The following TENM3 variants were observed in gnomAD, a reference collection of about 807,000 sequenced individuals.
TENM3 encodes the protein teneurin-3.
A neutral mutation model predicts 255.1 loss-of-function variants in TENM3; 63 were observed. That is an observed-to-expected ratio of 0.25 (90% CI 0.20 to 0.30). The LOEUF (loss-of-function observed/expected upper bound fraction) is 0.30. Ranked by LOEUF, TENM3 falls within the 10% of genes least tolerant of loss-of-function variation. TENM3 has a pLI of 1.00. For synonymous variants in TENM3, 1,306 were observed against 1,322.3 expected (o/e 0.99, Z 0.27); for missense variants, 2,929 against 3,461.1 (o/e 0.85, Z 3.86).
intron 3 of TENM3, among the ~76,000 whole-genome samples, chr4:182,498,528 T>C (rs1408703057): frequency 1.3e-5 from 2 of 152,102 alleles, no homozygotes; most frequent in Non-Finnish European, 2.9e-5. Context: ...TTCAGTGGCT[T>C]CCTATGTACC....
chr4:181,681,614 A>G, the TENM3 span, among the ~76,000 whole-genome samples: 1 of 152,260 alleles, frequency 6.6e-6, no homozygotes, highest in South Asian at 2.1e-4. Flanking sequence ...TCACTCCACC[A>G]AAAATATTAC....
chr4:181,828,016 A>G, the TENM3 span, among the ~76,000 whole-genome samples: 1 of 152,186 alleles, frequency 6.6e-6, no homozygotes, highest in Non-Finnish European at 1.5e-5. Flanking sequence ...GGCTTCCAGA[A>G]AGAGAGTTCT....
At chr4:181,670,258 G>A in the TENM3 span, among the ~76,000 whole-genome samples, 1 of 152,120 alleles carries the variant, frequency 6.6e-6, no homozygotes, top group Non-Finnish European at 1.5e-5. Context: ...TTTGAAAAAT[G>A]AGGAGGTAAA....
chr4:182,445,658 A>C (rs1319201952), intron 3 of TENM3, among the ~76,000 whole-genome samples: 2 of 151,996 alleles, frequency 1.3e-5, no homozygotes, highest in East Asian at 1.9e-4. Flanking sequence ...TGGTTCATGC[A>C]TTTTTAAAAA....
the TENM3 span, among the ~76,000 whole-genome samples, chr4:181,720,494 AG>A: frequency 6.6e-6 from 1 of 152,228 alleles, no homozygotes; most frequent in African/African-American, 2.4e-5. Flanking sequence ...GTATTTATAC[AG>A]GGCATTCATT....
intron 6 of TENM3, among the ~76,000 whole-genome samples, chr4:182,654,958 C>T (rs1012314079): frequency 2.0e-5 from 3 of 152,080 alleles, no homozygotes; most frequent in African/African-American, 4.8e-5. Flanking sequence ...AGTGAATCCC[C>T]CGCCATATGG....
At chr4:182,146,585 T>G (rs927548372) in intron 1 of TENM3, among the ~76,000 whole-genome samples, 4 of 152,130 alleles carry the variant, frequency 2.6e-5, no homozygotes, top group African/African-American at 9.7e-5. Context: ...TTTTTTCTAA[T>G]AGTAAACAAA....
At chr4:182,337,224 AG>A (rs1279915385) in intron 2 of TENM3, among the ~76,000 whole-genome samples, 40 of 152,228 alleles carry the variant, frequency 2.6e-4, no homozygotes, top group Non-Finnish European at 8.8e-5. Context: ...AAAATTACAA[AG>A]TTTTGCTTAT....
the TENM3 span, among the ~76,000 whole-genome samples, chr4:182,098,277 G>A: frequency 6.6e-6 from 1 of 152,118 alleles, no homozygotes; most frequent in East Asian, 1.9e-4. Flanking sequence ...CAGGATGGAG[G>A]TTCCTCAAAA....
At chr4:181,880,890 C>T in the TENM3 span, among the ~76,000 whole-genome samples, 1 of 152,120 alleles carries the variant, frequency 6.6e-6, no homozygotes, top group African/African-American at 2.4e-5. Flanking sequence ...CAATGCCAGC[C>T]CCCGGGGCTC....
At chr4:181,870,283 T>C in the TENM3 span, among the ~76,000 whole-genome samples, 1 of 152,204 alleles carries the variant, frequency 6.6e-6, no homozygotes, top group Non-Finnish European at 1.5e-5. Flanking sequence ...CAAGCTATTA[T>C]GAACGTTGTT....
chr4:182,645,259 G>A (rs1336465645), intron 5 of TENM3, among the ~76,000 whole-genome samples: 1 of 151,980 alleles, frequency 6.6e-6, no homozygotes, highest in Non-Finnish European at 1.5e-5. Context: ...TTTCTAGGTA[G>A]GTCTAGTAGA....
the TENM3 span, among the ~76,000 whole-genome samples, chr4:181,648,688 A>G: frequency 1.3e-5 from 2 of 152,184 alleles, no homozygotes; most frequent in African/African-American, 4.8e-5. Flanking sequence ...TTGTTAAGGT[A>G]TATCCTGTAC....
chr4:182,348,921 T>C lies in TENM3; in HGVS notation c.511+1992T>C, dbSNP rs145880795. Among the ~76,000 whole-genome samples the C allele has an allele frequency of 9.8e-3, 1,486 of 152,284 alleles. 27 individuals are homozygous for C. Among genetic ancestry groups the C allele is most frequent in the African/African-American group, 0.034 (1,392 of 41,546 alleles). ...CCTCACCATTCGCATGGATTAATAT[T>C]AACTAGAGGAGGAAATTGTTTCCCC... On this transcript the variant is annotated intron_variant, in intron 3 of 27. Transcript: ENST00000511685.
chr4:182,234,546 T>A (rs1188747652), intron 1 of TENM3, among the ~76,000 whole-genome samples: 1 of 152,034 alleles, frequency 6.6e-6, no homozygotes, highest in Non-Finnish European at 1.5e-5. Context: ...CAGCTTGACC[T>A]ACATAGTGAA....
At chr4:182,668,631 C>T (rs1313484358) in intron 6 of TENM3, among the ~76,000 whole-genome samples, 1 of 152,088 alleles carries the variant, frequency 6.6e-6, no homozygotes, top group Non-Finnish European at 1.5e-5. Flanking sequence ...GGTTAAATTA[C>T]CTATATATGG....
At chr4:182,745,170 A>C (rs2152739076) in intron 19 of TENM3, among the ~76,000 whole-genome samples, 1 of 152,342 alleles carries the variant, frequency 6.6e-6, no homozygotes, top group African/African-American at 2.4e-5. Context: ...AGCAAACAAA[A>C]ACCAAAGTTC....
chr4:182,434,556 G>A (rs758856520), intron 3 of TENM3, among the ~76,000 whole-genome samples: 3 of 151,626 alleles, frequency 2.0e-5, no homozygotes, highest in African/African-American at 4.8e-5. Context: ...TCAGCTACTC[G>A]GGAGTCTGAG....
the TENM3 span, among the ~76,000 whole-genome samples, chr4:181,737,089 A>G: frequency 1.3e-5 from 2 of 152,162 alleles, no homozygotes; most frequent in African/African-American, 4.8e-5. Flanking sequence ...AGCTACCGGT[A>G]GTTCTTCAAA....
Sources: allele counts gnomAD v4.1 joint callset (sites outside exome capture counted in the v4.1 genomes callset), GRCh38; gene constraint gnomAD v4.1.1; transcripts MANE v1.5; gene names NCBI Gene and HGNC (gene_info 2026-07-23, HGNC 2026-07-21).